Variants in ARHGAP6 observed in about 807,000 individuals in gnomAD.
ARHGAP6 encodes Rho GTPase activating protein 6.
ARHGAP6 carries 16 observed loss-of-function variants against 55.7 expected under a neutral mutation model. That is an observed-to-expected ratio of 0.29 (90% CI 0.19 to 0.44). ARHGAP6 has a LOEUF of 0.44. Ranked by LOEUF, ARHGAP6 falls within the 20% of genes least tolerant of loss-of-function variation. The probability of loss-of-function intolerance (pLI) is 1.00; values close to 1 mark genes in which losing one functional copy is unlikely to be tolerated. For missense variants in ARHGAP6, 698 were observed against 808.9 expected, an observed-to-expected ratio of 0.86 and a Z score of 1.66; for synonymous variants, 382 against 360.9, an observed-to-expected ratio of 1.06 and a Z score of -0.66.
intron 1 of ARHGAP6, among the ~76,000 whole-genome samples, chrX:11,521,834 T>C (rs764775781): frequency 1.8e-5 from 2 of 111,397 alleles, no homozygotes; most frequent in Admixed American, 1.9e-4. Context: ...TTTATTTCAT[T>C]GAGCAGTGGT....
intron 1 of ARHGAP6, among the ~76,000 whole-genome samples, chrX:11,474,867 CA>C (rs903951393): frequency 2.7e-5 from 3 of 110,269 alleles, no homozygotes; most frequent in Non-Finnish European, 5.7e-5. Context: ...TTATTTTTCC[CA>C]AAAATGAGTT....
intron 1 of ARHGAP6, among the ~76,000 whole-genome samples, chrX:11,423,871 G>A (rs767104088): frequency 1.8e-5 from 2 of 112,261 alleles, no homozygotes; most frequent in Non-Finnish European, 3.8e-5. Flanking sequence ...TGGGGCACCA[G>A]GAGAGAAGAG....
At chrX:11,149,113 A>T (rs2045739044) in intron 10 of ARHGAP6, among the ~76,000 whole-genome samples, 1 of 111,890 alleles carries the variant, frequency 8.9e-6, no homozygotes, top group Non-Finnish European at 1.9e-5. Flanking sequence ...CTTTGGTGAA[A>T]TTTTTCCCCT....
intron 2 of ARHGAP6, among the ~76,000 whole-genome samples, chrX:11,214,590 G>A (rs1350243894): frequency 8.9e-6 from 1 of 112,992 alleles, no homozygotes; most frequent in African/African-American, 3.2e-5. Context: ...TTGCCAGGAT[G>A]AGGAGCTGGA....
chrX:11,506,448 T>A (rs1030368001), intron 1 of ARHGAP6, among the ~76,000 whole-genome samples: 1 of 109,120 alleles, frequency 9.2e-6, no homozygotes, highest in African/African-American at 3.4e-5. Context: ...TGTCCATGTG[T>A]TCTCATTGTT....
intron 1 of ARHGAP6, among the ~76,000 whole-genome samples, chrX:11,340,175 C>T (rs2048685477): frequency 9.0e-6 from 1 of 111,730 alleles, no homozygotes. Flanking sequence ...ATTAGAGCCC[C>T]ATCCTAATTC....
intron 1 of ARHGAP6, among the ~76,000 whole-genome samples, chrX:11,619,768 C>T (rs1204780186): frequency 1.8e-5 from 2 of 112,157 alleles, no homozygotes; most frequent in Non-Finnish European, 3.8e-5. Flanking sequence ...CTCTCTCCAA[C>T]ATCATTAATC....
chrX:11,484,565 AGAG>A (rs2050492327), intron 1 of ARHGAP6, among the ~76,000 whole-genome samples: 1 of 109,391 alleles, frequency 9.1e-6, no homozygotes, highest in Admixed American at 9.8e-5. Context: ...AAGAGGAAAA[AGAG>A]GAGAAAGGAG....
chrX:11,242,431 TGATTTTTTTTAAAGAA>T (rs754332215), intron 2 of ARHGAP6, among the ~76,000 whole-genome samples: 45 of 112,169 alleles, frequency 4.0e-4, no homozygotes, highest in Non-Finnish European at 8.3e-4. Flanking sequence ...TCAAGTTATA[TGATTTTTTTTAAAGAA>T]GATTTTTTTT....
chrX:11,258,343 A>G (rs1206243430), intron 1 of ARHGAP6, among the ~76,000 whole-genome samples: 2 of 109,582 alleles, frequency 1.8e-5, no homozygotes, highest in Non-Finnish European at 3.8e-5. Flanking sequence ...GTAATCTAGG[A>G]TGACTCTTGA....
chrX:11,456,632 C>A (rs1243101886), intron 1 of ARHGAP6, among the ~76,000 whole-genome samples: 2 of 111,461 alleles, frequency 1.8e-5, no homozygotes, highest in African/African-American at 6.5e-5. Flanking sequence ...TTGGGCCCAG[C>A]AGAAGACAAC....
chrX:11,375,775 T>G (rs189213428), intron 1 of ARHGAP6, among the ~76,000 whole-genome samples: 188 of 112,034 alleles, frequency 1.7e-3, no homozygotes, highest in African/African-American at 5.2e-3. Context: ...ATAAGAATTC[T>G]GCATGAGAGC....
intron 1 of ARHGAP6, among the ~76,000 whole-genome samples, chrX:11,499,509 C>A (rs992177051): frequency 2.7e-5 from 3 of 111,922 alleles, no homozygotes; most frequent in Non-Finnish European, 3.8e-5. Flanking sequence ...AATGGTGTCT[C>A]CTCATTCTCC....
chrX:11,408,682 G>A (rs1426211321), intron 1 of ARHGAP6, among the ~76,000 whole-genome samples: 1 of 110,138 alleles, frequency 9.1e-6, no homozygotes, highest in Non-Finnish European at 1.9e-5. Flanking sequence ...TTGCCGTTCA[G>A]TGGGTGCCGG....
chrX:11,556,865 G>T (rs1032334603), intron 1 of ARHGAP6, among the ~76,000 whole-genome samples: 2 of 111,576 alleles, frequency 1.8e-5, no homozygotes, highest in African/African-American at 6.5e-5. Context: ...ACTAGGTTCT[G>T]AAATTTCCAA....
At chrX:11,276,002 A>G (rs1397312120) in intron 1 of ARHGAP6, among the ~76,000 whole-genome samples, 1 of 111,896 alleles carries the variant, frequency 8.9e-6, no homozygotes, top group Non-Finnish European at 1.9e-5. Flanking sequence ...AAACATGACC[A>G]AAGGAAATTC....
intron 2 of ARHGAP6, among the ~76,000 whole-genome samples, chrX:11,232,204 G>A (rs1261899802): frequency 8.9e-6 from 1 of 111,849 alleles, no homozygotes; most frequent in Non-Finnish European, 1.9e-5. Context: ...CTGTATGTTT[G>A]TATCCATTGT....
chrX:11,237,936 G>A (rs2047224693), intron 2 of ARHGAP6, among the ~76,000 whole-genome samples: 1 of 111,639 alleles, frequency 9.0e-6, no homozygotes, highest in Non-Finnish European at 1.9e-5. Flanking sequence ...TTCGTAGGAT[G>A]TTTAGCAGCA....
rs2048119529 is a variant in ARHGAP6, at chrX:11,298,357, C to A, written c.589-43650G>T. ...TCCCATATTAAGTGAAATATCATGT[C>A]TACTCCACATGCAGACATTAATGGG... is the stretch of plus-strand genomic sequence containing the variant. On this transcript the variant is annotated intron_variant, in intron 1 of 12. Transcript: ENST00000337414. 4 of 1,110,213 alleles carry A rather than the reference C, an allele frequency of 3.6e-6. No homozygotes were observed. In the Admixed American group the frequency reaches 8.7e-5, roughly 24 times the overall value. 91.5% of individuals were successfully genotyped at this position (1,110,213 alleles called of 1,213,427 possible). A position where few individuals can be genotyped will look rare whatever the true frequency, so the allele number is the denominator to read the frequency against.
Sources: allele counts gnomAD v4.1 joint callset (sites outside exome capture counted in the v4.1 genomes callset), GRCh38; gene constraint gnomAD v4.1.1; transcripts MANE v1.5; gene names NCBI Gene and HGNC (gene_info 2026-07-23, HGNC 2026-07-21).